The following PDLIM2 variants were observed in gnomAD, a reference collection of about 807,000 sequenced individuals.
The protein encoded by PDLIM2 is PDZ and LIM domain 2.
In PDLIM2, 51 loss-of-function variants were observed where a neutral mutation model predicts 54.1. That is an observed-to-expected ratio of 0.94 (90% CI 0.75 to 1.19). PDLIM2 has a LOEUF of 1.19. Ranked by LOEUF, PDLIM2 falls within the 50% of genes most tolerant of loss-of-function variation. The pLI, the probability that PDLIM2 is intolerant of heterozygous loss-of-function variation, is 0.00. For missense variants in PDLIM2, 912 were observed against 874.0 expected (o/e 1.04, Z -0.55); for synonymous variants, 398 against 385.6 (o/e 1.03, Z -0.38).
At chr8:22,580,726 A>G in intron 2 of PDLIM2, 29 bp downstream of exon 1, 1 of 1,609,068 alleles carries the variant, frequency 6.2e-7, no homozygotes, top group Middle Eastern at 1.7e-4. Flanking sequence ...AGAGATGAGA[A>G]GGTCCTGCCA....
chr8:22,581,050 G>A (rs1164631168), intron 2 of PDLIM2: 2 of 662,094 alleles, frequency 3.0e-6, no homozygotes, highest in African/African-American at 1.8e-5. Context: ...AACATTCACA[G>A]GAGGGCTGTG....
rs1800123141 is a variant in PDLIM2 at position 22,579,344 on chromosome 8, GC to G, written c.566del (p.Ala189AspfsTer65). The G allele has an allele frequency of 1.4e-6, 2 of 1,461,052 alleles. No individual in the cohort carries two copies. Among genetic ancestry groups the G allele is most frequent in the Admixed American group, 5.0e-5 (2 of 40,300 alleles). 90.5% of individuals were successfully genotyped at this position (1,461,052 alleles called of 1,614,324 possible). A position where few individuals can be genotyped will look rare whatever the true frequency, so the allele number is the denominator to read the frequency against. ...CCGCGGCCCAGCTCCCTGGAGCCTC[GC>G]ATCAGCGGGGGCGCCCCCGCGAGCT... On this transcript the variant is annotated frameshift_variant, in exon 1 of 10. Transcript: ENST00000308354. LOFTEE classifies it high-confidence loss of function.
Position 22,580,521 on chromosome 8 carries a change from T to A in PDLIM2, c.749-82T>A. 1 of 1,606,652 alleles carries A rather than the reference T, an allele frequency of 6.2e-7. No individual in the cohort carries two copies. The highest frequency in any genetic ancestry group is 8.5e-7 in the Non-Finnish European group (1 of 1,177,516). On this transcript the variant is annotated intron_variant, in intron 1 of 9. In the 5' UTR this introduces an upstream ATG that the reference lacks. Coordinates refer to ENST00000308354, the Ensembl canonical transcript of PDLIM2. ...GCTGTGGTGCCCTCTCCTTCTCCCT[T>A]TGGCTCCTCTCCTGCTGCCTTACAG... is the stretch of plus-strand genomic sequence containing the variant.
At chr8:22,589,192 G>A (rs902160924) in intron 6 of PDLIM2, 106 bp from the exon 6 acceptor site, 10 of 1,220,712 alleles carry the variant, frequency 8.2e-6, no homozygotes, top group Admixed American at 4.2e-5. Flanking sequence ...GGCGAGGGCC[G>A]GGGGCCCCCT....
At chr8:22,585,110 TCAC>T (rs891924200) in exon 5 of PDLIM2, 1 of 1,613,684 alleles carries the variant, frequency 6.2e-7, no homozygotes, top group Non-Finnish European at 8.5e-7. Context: ...CAGCCCCTTC[TCAC>T]CACCACCCTC....
chr8:22,592,001 C>T (rs974689099), intron 9 of PDLIM2: 2 of 202,766 alleles, frequency 9.9e-6, no homozygotes, highest in African/African-American at 4.6e-5. Context: ...CCCTTCTTCC[C>T]CCTTTGGAGC....
At chr8:22,579,421 A>G in exon 1 of PDLIM2, 2 of 1,514,790 alleles carry the variant, frequency 1.3e-6, no homozygotes, top group Non-Finnish European at 1.8e-6. Context: ...CCCGCAGGGT[A>G]CTTTGCCCTC....
intron 9 of PDLIM2, 28 bp downstream of exon 8, chr8:22,591,696 G>A (rs1322199452): frequency 2.6e-5 from 41 of 1,582,380 alleles, no homozygotes; most frequent in Non-Finnish European, 3.4e-5. Context: ...TGGGGGACCT[G>A]AGCCTTCACA....
At chr8:22,585,557 C>A (rs906008240) in intron 6 of PDLIM2, 158 bp downstream of exon 5, 2 of 738,256 alleles carry the variant, frequency 2.7e-6, no homozygotes, top group African/African-American at 1.8e-5. Context: ...GCCAGGGAGG[C>A]CATGCTTCTG....
chr8:22,579,859 CCCGG>C (rs1441861048), intron 1 of PDLIM2: 1 of 279,026 alleles, frequency 3.6e-6, no homozygotes, highest in Non-Finnish European at 6.7e-6. Context: ...GGCCTGTCAC[CCCGG>C]CTGTCTGTCG....
intron 9 of PDLIM2, chr8:22,592,701 C>T (rs1314523559): frequency 1.3e-5 from 2 of 152,196 alleles, no homozygotes; most frequent in East Asian, 3.9e-4. Flanking sequence ...ACCCCAGAGC[C>T]TCCTCTCCAG....
intron 3 of PDLIM2, 78 bp from the exon 3 acceptor site, chr8:22,584,743 G>T (rs771982314): frequency 1.9e-5 from 26 of 1,386,312 alleles, no homozygotes; most frequent in Non-Finnish European, 2.6e-5. Flanking sequence ...AACTAGATCT[G>T]GGAACAGTTT....
At chr8:22,597,723 G>A (rs1362891377), downstream of PDLIM2, 1 of 152,514 alleles carries the variant, frequency 6.6e-6, no homozygotes, top group Non-Finnish European at 1.5e-5. Context: ...AGGGCTGGCA[G>A]GGCTCTGGCA....
At chr8:22,593,474 G>A in intron 9 of PDLIM2, 1 of 437,920 alleles carries the variant, frequency 2.3e-6, no homozygotes, top group Non-Finnish European at 4.0e-6. Flanking sequence ...CTACTCAGGA[G>A]GCTGGTGCAG....
chr8:22,589,496 A>C (rs1417491130), intron 7 of PDLIM2, 100 bp from the exon 7 acceptor site: 12 of 1,520,838 alleles, frequency 7.9e-6, no homozygotes, highest in Admixed American at 2.0e-5. Flanking sequence ...CACCTCCCAG[A>C]TTCCTCCCCC....
chr8:22,596,587 C>G (rs1257380343), downstream of PDLIM2: 1 of 152,292 alleles, frequency 6.6e-6, no homozygotes, highest in South Asian at 2.1e-4. Flanking sequence ...TGTTCCCGGA[C>G]TTTGTCCAGT....
chr8:22,593,326 C>T (rs1320566612), intron 9 of PDLIM2: 1 of 169,220 alleles, frequency 5.9e-6, no homozygotes, highest in African/African-American at 2.4e-5. Context: ...CCTGTAATCC[C>T]AGCACTCTGG....
chr8:22,589,675 CG>C lies in PDLIM2; in HGVS notation c.1450del (p.Ala484ArgfsTer32). ...GATGCTGCAGGAAAATCGCGAGGGA[CG>C]GGCGGCCCCCCGACAGTCCAGCTCC... On this transcript the variant is annotated frameshift_variant, in exon 8 of 10. Coordinates refer to ENST00000308354, the Ensembl canonical transcript of PDLIM2. LOFTEE classifies it high-confidence loss of function. 6.3e-7 allele frequency: 1 copy of C among 1,577,802 alleles called. No individual in the cohort carries two copies. Among genetic ancestry groups the C allele is most frequent in the Non-Finnish European group, 8.6e-7 (1 of 1,161,694 alleles).
At chr8:22,581,572 C>T (rs779842653) in intron 3 of PDLIM2, 42 bp downstream of exon 2, 5 of 1,530,512 alleles carry the variant, frequency 3.3e-6, no homozygotes, top group South Asian at 2.5e-5. Flanking sequence ...ATTCCCCCTC[C>T]TCCACCACCC....
Sources: allele counts gnomAD v4.1 joint callset, GRCh38; gene constraint gnomAD v4.1.1; transcripts MANE v1.5; gene names NCBI Gene and HGNC (gene_info 2026-07-23, HGNC 2026-07-21).